MAK: variants seen among roughly 807,000 people sequenced by gnomAD.
MAK encodes serine/threonine-protein kinase MAK.
Under a neutral mutation model 82.6 loss-of-function variants are expected in MAK, and 65 were observed. That is an observed-to-expected ratio of 0.79 (90% CI 0.64 to 0.97). The LOEUF is 0.97. Among genes scored for constraint, MAK ranks in the 50% least tolerant of loss-of-function variants. MAK has a pLI of 0.00. For missense variants in MAK, 703 were observed against 780.2 expected (o/e 0.90, Z 1.18); for synonymous variants, 250 against 274.2 (o/e 0.91, Z 0.87).
chr6:10,774,858 G>A (rs1721420643), intron 12 of MAK, among the ~76,000 whole-genome samples: 1 of 152,212 alleles, frequency 6.6e-6, no homozygotes, highest in Admixed American at 6.5e-5. Flanking sequence ...CCAGTGAGAA[G>A]TCTTCTTTTC....
At chr6:10,783,455 A>G (rs1386307210) in intron 11 of MAK, among the ~76,000 whole-genome samples, 1 of 152,006 alleles carries the variant, frequency 6.6e-6, no homozygotes, top group Non-Finnish European at 1.5e-5. Context: ...TCCCTTTCTC[A>G]GCTAAAGTCA....
intron 12 of MAK, among the ~76,000 whole-genome samples, chr6:10,775,090 T>C (rs1204416519): frequency 6.6e-6 from 1 of 152,160 alleles, no homozygotes; most frequent in Admixed American, 6.5e-5. Flanking sequence ...AGTGCTGGGA[T>C]TACAGGTGTG....
intron 1 of MAK, chr6:10,837,878 G>GGA (rs1779254269): frequency 6.6e-6 from 1 of 152,234 alleles, no homozygotes; most frequent in Admixed American, 6.5e-5. Context: ...CGTGGTGGAA[G>GGA]GAGGGGGCGT....
chr6:10,816,838 CTAAG>C (rs1474890541), intron 4 of MAK, among the ~76,000 whole-genome samples: 1 of 151,976 alleles, frequency 6.6e-6, no homozygotes, highest in Non-Finnish European at 1.5e-5. Context: ...ACTATAAAGA[CTAAG>C]TATCCACATA....
rs768485786 is a variant in MAK, at chr6:10,797,804, T to C, written c.832-1495A>G. On this transcript the variant is annotated intron_variant, in intron 8 of 14. Transcript: ENST00000354489. ...GAAGGCAGCTTGGTACTTTAAATGG[T>C]CTTCATATTCTACAACTTAACCAAC... The C allele has an allele frequency of 1.0e-5, 13 of 1,271,830 alleles. No individual in the cohort carries two copies. In the South Asian group the frequency reaches 1.5e-4, roughly 15 times the overall value. The allele number at this position is 1,271,830 out of a possible 1,614,324, so 78.8% of individuals were successfully genotyped here.
chr6:10,836,790 A>G (rs1779173496), intron 1 of MAK, among the ~76,000 whole-genome samples: 1 of 152,262 alleles, frequency 6.6e-6, no homozygotes, highest in Non-Finnish European at 1.5e-5. Flanking sequence ...GAATTGTTAA[A>G]AACTTGGAAT....
Position 10,803,745 on chromosome 6 carries a change from C to T in MAK, c.638G>A (p.Cys213Tyr). 1 of 1,613,850 alleles carries T rather than the reference C, an allele frequency of 6.2e-7. No homozygotes were observed. Among genetic ancestry groups the T allele is most frequent in the Non-Finnish European group, 8.5e-7 (1 of 1,179,974 alleles). ...TTTTTTGGGAGTCCCTAAAACTTGG[C>T]AAATTTTAAAGATTTCATCGACCTC... ...TSEVDEIFKI[C>Y]QVLGTPKKSD... Residue 213 changes from cysteine (C) to tyrosine (Y), a missense_variant, in exon 7 of 15, where the codon TGC (cysteine) becomes TAC (tyrosine). By Grantham distance (194) the Cys-to-Tyr change is radical. Transcript: ENST00000354489.
intron 4 of MAK, among the ~76,000 whole-genome samples, chr6:10,814,747 G>A (rs1299400285): frequency 6.6e-6 from 1 of 151,326 alleles, no homozygotes; most frequent in Non-Finnish European, 1.5e-5. Flanking sequence ...GTGTTGTCCA[G>A]TAGAAATATA....
Position 10,795,978 on chromosome 6 carries a change from T to C in MAK, c.1143+20A>G, listed in dbSNP as rs1775516481. 2 of 1,611,152 alleles carry C rather than the reference T, an allele frequency of 1.2e-6. No homozygotes were observed. The highest frequency in any genetic ancestry group is 2.7e-5 in the African/African-American group (2 of 75,002). ...ACGAGTCAAACTATTTCATTGCAAG[T>C]GTCATGACTGGCTACTCACAGTTGG... On this transcript the variant is annotated intron_variant, in intron 9 of 14. Transcript: ENST00000354489.
intron 2 of MAK, among the ~76,000 whole-genome samples, chr6:10,826,243 C>G (rs1268129621): frequency 6.6e-6 from 1 of 151,706 alleles, no homozygotes; most frequent in African/African-American, 2.4e-5. Flanking sequence ...CATTTCCCCC[C>G]ACCCCCCCTT....
At chr6:10,783,840 G>A (rs1774245517) in intron 11 of MAK, among the ~76,000 whole-genome samples, 1 of 152,140 alleles carries the variant, frequency 6.6e-6, no homozygotes, top group South Asian at 2.1e-4. Context: ...CTAACACGGT[G>A]AAACACCATC....
At chr6:10,770,011 C>G (rs942043033) in intron 14 of MAK, 100 bp downstream of exon 14, 3 of 1,605,872 alleles carry the variant, frequency 1.9e-6, no homozygotes, top group African/African-American at 2.7e-5. Flanking sequence ...GTGAGGCTGA[C>G]TAAAAGTCTT....
intron 1 of MAK, chr6:10,838,123 G>C (rs772927981): frequency 9.8e-5 from 15 of 152,688 alleles, no homozygotes; most frequent in African/African-American, 2.9e-4. Context: ...AAGCAGCAGG[G>C]GAGCAGAGGT....
At chr6:10,822,130 G>C (rs1265844008) in intron 2 of MAK, among the ~76,000 whole-genome samples, 10 of 125,696 alleles carry the variant, frequency 8.0e-5, no homozygotes, top group Non-Finnish European at 1.5e-4. Flanking sequence ...CTGGGCAACA[G>C]AGCGAGACTC....
intron 6 of MAK, among the ~76,000 whole-genome samples, chr6:10,806,366 T>A (rs1698581758): frequency 8.2e-6 from 1 of 122,670 alleles, no homozygotes; most frequent in Admixed American, 8.5e-5. Context: ...TCTTGCTCTG[T>A]CACCCAGGCT....
At chr6:10,797,727 C>A in intron 8 of MAK, 1 of 1,178,984 alleles carries the variant, frequency 8.5e-7, no homozygotes, top group Admixed American at 4.0e-5. Context: ...GGAACATAGC[C>A]CTGACCAACA....
chr6:10,831,181 T>C, intron 1 of MAK, among the ~76,000 whole-genome samples: 1 of 152,202 alleles, frequency 6.6e-6, no homozygotes, highest in African/African-American at 2.4e-5. Context: ...CTTGGAAAAT[T>C]GATGTCTATA....
chr6:10,808,630 CTTTT>C (rs749553709), intron 6 of MAK, among the ~76,000 whole-genome samples, 176 bp downstream of exon 6: 5 of 150,264 alleles, frequency 3.3e-5, no homozygotes, highest in Middle Eastern at 3.4e-3. Flanking sequence ...ATTCTTTTTC[CTTTT>C]TTTTTCAGTG....
chr6:10,809,925 C>G (rs969492486), intron 5 of MAK, among the ~76,000 whole-genome samples: 1 of 151,778 alleles, frequency 6.6e-6, no homozygotes, highest in African/African-American at 2.4e-5. Context: ...TGATGAAACC[C>G]CGTCTATACT....
Sources: gnomAD v4.1 joint callset for allele counts (sites outside exome capture counted in the v4.1 genomes callset) on GRCh38, gnomAD v4.1.1 for gene constraint, MANE v1.5 for transcripts, NCBI Gene and HGNC (gene_info 2026-07-23, HGNC 2026-07-21) for gene names.